Variants in CCDC171 observed in about 807,000 individuals in gnomAD.
CCDC171 encodes the protein coiled-coil domain-containing protein 171.
A neutral mutation model predicts 168.2 loss-of-function variants in CCDC171; 177 were observed. The ratio of observed to expected loss-of-function variants is 1.05; its 90% CI spans 0.93 to 1.19. The LOEUF (loss-of-function observed/expected upper bound fraction) is 1.19. CCDC171 is among the 50% of genes most tolerant of loss of function. The pLI is 0.00. For synonymous variants in CCDC171, 687 were observed against 540.8 expected (o/e 1.27, Z -3.75); for missense variants, 1,991 against 1,539.0 (o/e 1.29, Z -4.91).
chr9:15,900,641 A>T (rs1821505221), intron 24 of CCDC171, among the ~76,000 whole-genome samples: 1 of 152,236 alleles, frequency 6.6e-6, no homozygotes. Flanking sequence ...TACAGATTTC[A>T]ATACCCTAGA....
At chr9:15,861,242 C>T (rs2061545435) in intron 23 of CCDC171, among the ~76,000 whole-genome samples, 1 of 150,510 alleles carries the variant, frequency 6.6e-6, no homozygotes, top group South Asian at 2.1e-4. Flanking sequence ...TCCGTTCAGC[C>T]ACTCTGTGTC....
intron 7 of CCDC171, among the ~76,000 whole-genome samples, chr9:15,643,380 A>T (rs1564121297): frequency 6.6e-6 from 1 of 152,186 alleles, no homozygotes; most frequent in Non-Finnish European, 1.5e-5. Flanking sequence ...TGGGCTAAAC[A>T]TAATAATTTC....
rs2049331676 is a variant in CCDC171, at chr9:15,674,081, G to A, written c.1077-4677G>A. On this transcript the variant is annotated intron_variant, in intron 9 of 25. Coordinates refer to ENST00000380701, the MANE Select transcript of CCDC171 (RefSeq NM_173550.4). Reference sequence around the variant, plus strand: ...CTTCTTTCTGGTTTAGTCTTGGGAGGGTGTATGTGTCCAGGAATTTATCCA... The same window carrying A: ...CTTCTTTCTGGTTTAGTCTTGGGAGAGTGTATGTGTCCAGGAATTTATCCA... Among the ~76,000 whole-genome samples, 5 of 151,914 alleles carry A rather than the reference G, an allele frequency of 3.3e-5. 1 individual carries two copies. Among genetic ancestry groups the A allele is most frequent in the Admixed American group, 6.6e-5 (1 of 15,234 alleles).
the CCDC171 span, among the ~76,000 whole-genome samples, chr9:16,084,950 G>A: frequency 3.9e-5 from 6 of 152,184 alleles, no homozygotes; most frequent in Non-Finnish European, 8.8e-5. Flanking sequence ...TTGAGCATCA[G>A]TTTCATTTGC....
chr9:15,678,694 G>T (rs186597188), intron 9 of CCDC171, 64 bp from the exon 10 acceptor site: 3 of 1,355,470 alleles, frequency 2.2e-6, no homozygotes, highest in African/African-American at 1.5e-5. Context: ...ATGTATTAAA[G>T]GTGTGTAATA....
At chr9:15,718,964 A>G (rs2053271900) in intron 11 of CCDC171, among the ~76,000 whole-genome samples, 1 of 152,218 alleles carries the variant, frequency 6.6e-6, no homozygotes, top group South Asian at 2.1e-4. Flanking sequence ...CCCAGAAAAC[A>G]TGACTTCAGC....
chr9:15,799,166 A>ATATATATATATATAT (rs2058701375), intron 21 of CCDC171, among the ~76,000 whole-genome samples: 6 of 130,464 alleles, frequency 4.6e-5, no homozygotes, highest in African/African-American at 8.6e-5. Flanking sequence ...ATATATATAT[A>ATATATATATATATAT]CCATTTTGAT....
chr9:15,802,603 C>T (rs916292929), intron 21 of CCDC171, among the ~76,000 whole-genome samples: 1 of 152,266 alleles, frequency 6.6e-6, no homozygotes, highest in East Asian at 1.9e-4. Context: ...CTTTTTATGG[C>T]TGCATGGTAT....
the CCDC171 span, among the ~76,000 whole-genome samples, chr9:16,098,921 G>C: frequency 2.0e-5 from 3 of 152,330 alleles, no homozygotes; most frequent in East Asian, 5.8e-4. Context: ...CTGCTCTGAG[G>C]ATTTCCAGTG....
chr9:15,574,939 C>T (rs7021778), intron 3 of CCDC171, among the ~76,000 whole-genome samples: 6,816 of 152,082 alleles, frequency 0.045, 336 homozygotes, highest in South Asian at 0.12. Flanking sequence ...TAGACTCATA[C>T]GTTCCAGATG....
At chr9:15,783,801 T>C (rs1200030859) in intron 20 of CCDC171, among the ~76,000 whole-genome samples, 2 of 152,208 alleles carry the variant, frequency 1.3e-5, no homozygotes, top group Admixed American at 1.3e-4. Context: ...TTGTGTGTTA[T>C]GGTGTAGATT....
intron 18 of CCDC171, among the ~76,000 whole-genome samples, chr9:15,753,920 C>T (rs971882156): frequency 2.0e-5 from 3 of 151,948 alleles, no homozygotes; most frequent in African/African-American, 2.4e-5. Flanking sequence ...CAGTGTGGAC[C>T]CTCTCTGGAT....
At chr9:15,579,159 T>C (rs1194849012) in intron 4 of CCDC171, 136 bp downstream of exon 4, 5 of 611,286 alleles carry the variant, frequency 8.2e-6, no homozygotes, top group Non-Finnish European at 1.3e-5. Context: ...TGTACAGACT[T>C]AGCTGGGTAT....
intron 21 of CCDC171, among the ~76,000 whole-genome samples, chr9:15,836,394 C>T (rs1339751490): frequency 6.6e-6 from 1 of 152,096 alleles, no homozygotes; most frequent in Non-Finnish European, 1.5e-5. Flanking sequence ...GAAACGGAGT[C>T]TCTCTCTGTC....
At chr9:15,573,704 T>A (rs562356401) in intron 3 of CCDC171, among the ~76,000 whole-genome samples, 18 of 152,356 alleles carry the variant, frequency 1.2e-4, no homozygotes, top group African/African-American at 4.3e-4. Context: ...CTTGTTTTTT[T>A]AAAACCAAAT....
At chr9:15,779,383 G>A (rs1588449363) in intron 20 of CCDC171, among the ~76,000 whole-genome samples, 1 of 151,486 alleles carries the variant, frequency 6.6e-6, no homozygotes, top group African/African-American at 2.4e-5. Flanking sequence ...TTTTTGAGAT[G>A]GAGTCTCACT....
Position 15,675,971 on chromosome 9 carries a change from T to C in CCDC171, c.1077-2787T>C, listed in dbSNP as rs199552608. Reference sequence around the variant, plus strand: ...GGATAATATCCTGAAGAGTGTTTTCTAACTTGGTTCCATTCTCCCCGTCAC... The same window carrying C: ...GGATAATATCCTGAAGAGTGTTTTCCAACTTGGTTCCATTCTCCCCGTCAC... On this transcript the variant is annotated intron_variant, in intron 9 of 25. Coordinates refer to ENST00000380701, the MANE Select transcript of CCDC171 (RefSeq NM_173550.4). Among the ~76,000 whole-genome samples the C allele has an allele frequency of 3.3e-5, 5 of 152,186 alleles. No individual in the cohort carries two copies. In the East Asian group the frequency reaches 5.8e-4, roughly 18 times the overall value.
At chr9:15,642,788 A>G (rs1351577115) in intron 7 of CCDC171, among the ~76,000 whole-genome samples, 1 of 152,030 alleles carries the variant, frequency 6.6e-6, no homozygotes, top group Non-Finnish European at 1.5e-5. Context: ...CCAGTTTATT[A>G]TTTCAACCCC....
At chr9:15,740,352 G>A (rs182934306) in intron 16 of CCDC171, among the ~76,000 whole-genome samples, 1 of 150,732 alleles carries the variant, frequency 6.6e-6, no homozygotes, top group East Asian at 1.9e-4. Context: ...TTTGTGCTTA[G>A]ATCTGTTTCT....
Sources: allele counts gnomAD v4.1 joint callset (sites outside exome capture counted in the v4.1 genomes callset), GRCh38; gene constraint gnomAD v4.1.1; transcripts MANE v1.5; gene names NCBI Gene and HGNC (gene_info 2026-07-23, HGNC 2026-07-21).